Variants in ERC1 observed in about 807,000 individuals in gnomAD.
The protein encoded by ERC1 is ELKS/RAB6-interacting/CAST family member 1.
ERC1 carries 56 observed loss-of-function variants against 132.0 expected under a neutral mutation model. The ratio of observed to expected loss-of-function variants is 0.42; its 90% confidence interval spans 0.34 to 0.53. The LOEUF (loss-of-function observed/expected upper bound fraction) is 0.53. Among genes scored for constraint, ERC1 ranks in the 20% least tolerant of loss-of-function variants. The pLI is 0.03. For missense variants in ERC1, 1,202 were observed against 1,349.9 expected (o/e 0.89, Z 1.72); for synonymous variants, 478 against 476.1 (o/e 1.00, Z -0.05).
At chr12:1,400,432 G>A (rs763626563) in intron 16 of ERC1, among the ~76,000 whole-genome samples, 10 of 151,964 alleles carry the variant, frequency 6.6e-5, no homozygotes, top group Admixed American at 2.6e-4. Context: ...GATGTGCTCC[G>A]ATTTATTTTT....
At chr12:1,322,954 A>G (rs2082208874) in intron 15 of ERC1, among the ~76,000 whole-genome samples, 1 of 152,172 alleles carries the variant, frequency 6.6e-6, no homozygotes, top group African/African-American at 2.4e-5. Flanking sequence ...GTATGCCCTG[A>G]CAGTGGATGA....
At chr12:1,340,089 C>T (rs1289669050) in intron 15 of ERC1, among the ~76,000 whole-genome samples, 1 of 152,082 alleles carries the variant, frequency 6.6e-6, no homozygotes, top group Non-Finnish European at 1.5e-5. Context: ...ACCGTGGGGG[C>T]CAGCCTGCTT....
At chr12:1,488,484 G>A (rs1416604316) in intron 18 of ERC1, among the ~76,000 whole-genome samples, 2 of 152,082 alleles carry the variant, frequency 1.3e-5, no homozygotes, top group Non-Finnish European at 2.9e-5. Flanking sequence ...GAGCCTGGGC[G>A]TTCAAGACAA....
intron 12 of ERC1, among the ~76,000 whole-genome samples, chr12:1,200,220 GAT>G (rs1163410538): frequency 5.9e-5 from 9 of 152,034 alleles, no homozygotes; most frequent in Non-Finnish European, 1.2e-4. Context: ...TAGTTTATAG[GAT>G]GATATTACCA....
At chr12:1,484,891 C>CTTTT (rs57684164) in intron 18 of ERC1, among the ~76,000 whole-genome samples, 7,880 of 149,772 alleles carry the variant, frequency 0.053, 660 homozygotes, top group African/African-American at 0.18. Context: ...TCTTGTTTTT[C>CTTTT]TTTTTTTGAG....
At chr12:1,288,731 C>G (rs529523529) in intron 14 of ERC1, among the ~76,000 whole-genome samples, 2 of 152,250 alleles carry the variant, frequency 1.3e-5, no homozygotes, top group East Asian at 3.9e-4. Context: ...CTCTACCTGC[C>G]CTACCTTCTA....
At chr12:1,396,528 A>G (rs531750121) in intron 16 of ERC1, among the ~76,000 whole-genome samples, 3 of 152,252 alleles carry the variant, frequency 2.0e-5, no homozygotes, top group African/African-American at 7.2e-5. Flanking sequence ...GGAAGAAAAG[A>G]TATGTAAACA....
intron 15 of ERC1, among the ~76,000 whole-genome samples, chr12:1,366,671 G>T (rs2086690113): frequency 6.6e-6 from 1 of 152,180 alleles, no homozygotes; most frequent in South Asian, 2.1e-4. Flanking sequence ...AGTATAGAAT[G>T]ATGGAGAAAT....
intron 12 of ERC1, among the ~76,000 whole-genome samples, chr12:1,211,418 G>C (rs1318928680): frequency 1.3e-5 from 2 of 152,200 alleles, no homozygotes; most frequent in African/African-American, 4.8e-5. Context: ...AAAGTGCTGG[G>C]ATTACAGGCG....
chr12:1,001,505 C>G (rs1420218308), intron 1 of ERC1, among the ~76,000 whole-genome samples: 1 of 152,242 alleles, frequency 6.6e-6, no homozygotes, highest in Non-Finnish European at 1.5e-5. Flanking sequence ...TTCCTTGAAG[C>G]TTCCCAATCA....
rs1183345942 is a variant in ERC1 at position 1,112,203 on chromosome 12, A to G, written c.1318-12A>G. 1.3e-6 allele frequency: 2 copies of G among 1,588,940 alleles called. No individual in the cohort carries two copies. The highest frequency in any genetic ancestry group is 1.3e-5 in the African/African-American group (1 of 74,444). On this transcript the variant is annotated splice_polypyrimidine_tract_variant and intron_variant, in intron 5 of 18. Transcript: ENST00000360905. ...GACACATAAGTGAAAAAGAATAATA[A>G]TGTCGTGACAGGTAGAACAACTGAA...
chr12:1,200,267 G>A (rs555604578), intron 12 of ERC1, among the ~76,000 whole-genome samples: 1 of 152,204 alleles, frequency 6.6e-6, no homozygotes, highest in East Asian at 1.9e-4. Flanking sequence ...TTTTGAAGAT[G>A]AATGCTTTTT....
rs938334899 is a variant in ERC1 at position 1,491,713 on chromosome 12, C to A, written c.*1483C>A. The A allele has an allele frequency of 4.3e-6, 1 of 231,016 alleles. No homozygotes were observed. The allele number at this position is 231,016 out of a possible 1,614,324, so 14.3% of individuals were successfully genotyped here. ...CTACTTGTGGGTGGCCATTTCCTGA[C>A]ATCTGCATGTACCTCGTGGAATTCA... On this transcript the variant is annotated 3_prime_UTR_variant, in exon 19 of 19. Coordinates refer to ENST00000360905, the MANE Select transcript of ERC1 (RefSeq NM_178040.4).
At chr12:1,462,436 T>C (rs1180774760) in intron 18 of ERC1, among the ~76,000 whole-genome samples, 1 of 152,188 alleles carries the variant, frequency 6.6e-6, no homozygotes, top group Non-Finnish European at 1.5e-5. Flanking sequence ...CAAATGTCCA[T>C]TAACAGGAGA....
At chr12:996,345 G>A (rs759004100) in intron 1 of ERC1, among the ~76,000 whole-genome samples, 4 of 143,122 alleles carry the variant, frequency 2.8e-5, no homozygotes, top group Non-Finnish European at 6.0e-5. Context: ...CTCATGATCC[G>A]CGCGCCTTGG....
intron 17 of ERC1, among the ~76,000 whole-genome samples, chr12:1,409,799 C>A (rs910934809): frequency 3.3e-5 from 5 of 152,156 alleles, no homozygotes; most frequent in African/African-American, 9.7e-5. Context: ...ACCTACACCT[C>A]CTGGGTTCAA....
At chr12:1,380,674 G>A (rs937375954) in intron 16 of ERC1, 86 of 152,276 alleles carry the variant, frequency 5.6e-4, no homozygotes, top group African/African-American at 2.0e-3. Context: ...GCTGACAGTA[G>A]TGCCTTTTCA....
chr12:1,223,263 A>C (rs897098758), intron 12 of ERC1, among the ~76,000 whole-genome samples: 1 of 152,190 alleles, frequency 6.6e-6, no homozygotes, highest in African/African-American at 2.4e-5. Flanking sequence ...GAGCATCCAT[A>C]ATAGTTGTGA....
intron 17 of ERC1, among the ~76,000 whole-genome samples, chr12:1,425,278 T>TTGGCA (rs1663037425): frequency 6.6e-6 from 1 of 152,222 alleles, no homozygotes; most frequent in Admixed American, 6.5e-5. Context: ...CACTTTTTAG[T>TTGGCA]GTGATGGCAT....
Sources: allele counts gnomAD v4.1 joint callset (sites outside exome capture counted in the v4.1 genomes callset), GRCh38; gene constraint gnomAD v4.1.1; transcripts MANE v1.5; gene names NCBI Gene and HGNC (gene_info 2026-07-23, HGNC 2026-07-21).